Variants in TAF4 observed in about 807,000 individuals in gnomAD.
TAF4 encodes the protein transcription initiation factor TFIID subunit 4.
A neutral mutation model predicts 90.3 loss-of-function variants in TAF4; 9 were observed. The ratio of observed to expected loss-of-function variants is 0.10; its 90% CI spans 0.06 to 0.17. The LOEUF (loss-of-function observed/expected upper bound fraction) is 0.17, where lower values mean the gene tolerates loss of function less well. TAF4 is among the 10% of genes least tolerant of loss of function. The probability of loss-of-function intolerance (pLI) is 1.00; values close to 1 mark genes in which losing one functional copy is unlikely to be tolerated. For missense variants in TAF4, 1,351 were observed against 1,370.7 expected, an observed-to-expected ratio of 0.99 and a Z score of 0.23; for synonymous variants, 818 against 638.9, an observed-to-expected ratio of 1.28 and a Z score of -4.23.
At chr20:62,023,844 AG>A (rs2055859318) in intron 1 of TAF4, among the ~76,000 whole-genome samples, 1 of 151,152 alleles carries the variant, frequency 6.6e-6, no homozygotes, top group Non-Finnish European at 1.5e-5. Context: ...GCACTCTGGG[AG>A]GCCAAGGCAG....
chr20:61,982,772 G>A (rs1428281688), intron 14 of TAF4, among the ~76,000 whole-genome samples: 2 of 152,010 alleles, frequency 1.3e-5, no homozygotes, highest in African/African-American at 2.4e-5. Flanking sequence ...ACTCTGAGAT[G>A]CAACCTCATA....
chr20:62,027,258 C>T (rs1345758373), intron 1 of TAF4, among the ~76,000 whole-genome samples: 2 of 152,148 alleles, frequency 1.3e-5, no homozygotes, highest in Admixed American at 6.5e-5. Context: ...AGCCGAGCAG[C>T]GTCGTCAAAA....
chr20:62,007,613 A>G lies in TAF4; in HGVS notation c.1908T>C (p.Asp636=), dbSNP rs2055754608. ...NLLDGKIEAE[D]FTSRLYRELN... The stretch of plus-strand genomic sequence containing the variant: ...GTTCTCGGTATAACCTGCTTGTGAA[A>G]TCTTCTGCTTCTATTTTTCCATCCT... Residue 636 remains aspartate (D), a synonymous_variant, in exon 6 of 15, where the codon GAT becomes GAC. Transcript: ENST00000252996. 1 of 1,603,416 alleles carries G rather than the reference A, an allele frequency of 6.2e-7. No homozygotes were observed. Among genetic ancestry groups the G allele is most frequent in the Non-Finnish European group, 8.5e-7 (1 of 1,176,250 alleles).
intron 1 of TAF4, among the ~76,000 whole-genome samples, chr20:62,056,448 T>G (rs1163309884): frequency 2.0e-5 from 3 of 152,158 alleles, no homozygotes; most frequent in Non-Finnish European, 4.4e-5. Context: ...AGGTGATATG[T>G]ATCAAAGCCT....
chr20:62,021,000 C>A (rs376839477), intron 1 of TAF4, among the ~76,000 whole-genome samples: 2 of 152,176 alleles, frequency 1.3e-5, no homozygotes, highest in African/African-American at 4.8e-5. Flanking sequence ...GAAGGAAAGA[C>A]CTTCCCCGTG....
rs1600820355 is a variant in TAF4 at position 61,976,071 on chromosome 20, G to A, written c.*97C>T. 7.5e-7 allele frequency: 1 copy of A among 1,329,098 alleles called. No individual in the cohort carries two copies. The highest frequency in any genetic ancestry group is 1.3e-5 in the South Asian group (1 of 78,180). 82.3% of individuals were successfully genotyped at this position (1,329,098 alleles called of 1,614,324 possible). A position where few individuals can be genotyped will look rare whatever the true frequency, so the allele number is the denominator to read the frequency against. On this transcript the variant is annotated 3_prime_UTR_variant, in exon 15 of 15. Transcript: ENST00000252996. The stretch of plus-strand genomic sequence containing the variant: ...AACAGGAATATAAAACTGTTCCATT[G>A]TAAAGAGGTGGCTGTTTTTTAAACA...
intron 1 of TAF4, among the ~76,000 whole-genome samples, chr20:62,063,189 C>T (rs1354190825): frequency 6.6e-6 from 1 of 152,204 alleles, no homozygotes; most frequent in Non-Finnish European, 1.5e-5. Context: ...CCCAGACAGG[C>T]TTTCCCCACC....
chr20:62,036,127 G>A (rs6142932), intron 1 of TAF4, among the ~76,000 whole-genome samples: 14,992 of 151,920 alleles, frequency 0.099, 1,193 homozygotes, highest in East Asian at 0.44. Flanking sequence ...GGGTTCAAGC[G>A]ATTCTCCTGC....
At chr20:61,990,040 TG>T (rs1175064932) in intron 14 of TAF4, among the ~76,000 whole-genome samples, 1 of 152,058 alleles carries the variant, frequency 6.6e-6, no homozygotes, top group African/African-American at 2.4e-5. Context: ...CACGACGCTG[TG>T]GAGAAACACA....
intron 1 of TAF4, among the ~76,000 whole-genome samples, chr20:62,029,286 G>A (rs1201392448): frequency 2.0e-5 from 3 of 151,912 alleles, no homozygotes; most frequent in African/African-American, 7.3e-5. Flanking sequence ...TTGAAATTTT[G>A]CAAGATAAAA....
At chr20:62,060,787 C>T (rs976059436) in intron 1 of TAF4, among the ~76,000 whole-genome samples, 2 of 152,226 alleles carry the variant, frequency 1.3e-5, no homozygotes, top group Non-Finnish European at 2.9e-5. Context: ...TGGCAACCAC[C>T]GCCCCAGGGT....
chr20:62,057,125 G>C (rs1772251885), intron 1 of TAF4, among the ~76,000 whole-genome samples: 2 of 152,184 alleles, frequency 1.3e-5, no homozygotes, highest in Non-Finnish European at 2.9e-5. Context: ...GTCAGAAAAT[G>C]AAAGGCTGTG....
Position 61,999,075 on chromosome 20 carries a change from G to A in TAF4, c.2821C>T (p.Arg941Trp). The A allele has an allele frequency of 3.1e-6, 5 of 1,614,044 alleles. No homozygotes were observed. Among genetic ancestry groups the A allele is most frequent in the Non-Finnish European group, 4.2e-6 (5 of 1,180,016 alleles). Reference sequence around the variant, plus strand: ...TGTTCAAAAAACTTGAGCTGTGCCCGGACGTCACTCGCCTGCTCATATCTG... The same window carrying A: ...TGTTCAAAAAACTTGAGCTGTGCCCAGACGTCACTCGCCTGCTCATATCTG... ...DDRYEQASDV[R>W]AQLKFFEQLD... is the part of the protein sequence containing the mutation. Residue 941 changes from arginine to tryptophan, a missense_variant, in exon 12 of 15, where the codon CGG becomes TGG. Transcript: ENST00000252996.
At chr20:61,979,967 G>A (rs1331506892) in intron 14 of TAF4, among the ~76,000 whole-genome samples, 3 of 152,228 alleles carry the variant, frequency 2.0e-5, no homozygotes, top group African/African-American at 4.8e-5. Flanking sequence ...CACAAGGGCC[G>A]GCACCAACAT....
chr20:62,064,678 G>T lies in TAF4; in HGVS notation c.1133C>A (p.Thr378Asn). The T allele has an allele frequency of 7.8e-7, 1 of 1,275,032 alleles. No homozygotes were observed. The highest frequency in any genetic ancestry group is 2.5e-5 in the South Asian group (1 of 40,324). The allele number at this position is 1,275,032 out of a possible 1,614,324, so 79.0% of individuals were successfully genotyped here. A position where few individuals can be genotyped will look rare whatever the true frequency, so the allele number is the denominator to read the frequency against. Residue 378 changes from threonine (T) to asparagine (N), a missense_variant, in exon 1 of 15, where the codon ACT (threonine) becomes AAT (asparagine). By Grantham distance (65) the Thr-to-Asn change is moderately conservative. Coordinates refer to ENST00000252996, the MANE Select transcript of TAF4 (RefSeq NM_003185.4). The stretch of plus-strand genomic sequence containing the variant: ...CGGGCTGGGCAGCGCCCCTTGCATA[G>T]TTGGCCCGATGACCATGCTGGCCGC... ...STAASMVIGP[T>N]MQGALPSPAA... is the part of the protein sequence containing the mutation.
At chr20:62,030,992 T>C (rs116665980) in intron 1 of TAF4, among the ~76,000 whole-genome samples, 1 of 152,326 alleles carries the variant, frequency 6.6e-6, no homozygotes, top group Non-Finnish European at 1.5e-5. Context: ...AGACACAACA[T>C]GCAACAAACA....
At chr20:62,008,731 G>T in intron 5 of TAF4, 1 of 220,508 alleles carries the variant, frequency 4.5e-6, no homozygotes, top group Non-Finnish European at 8.9e-6. Flanking sequence ...GGAGTTGCTG[G>T]AGACCCTGAC....
At chr20:61,998,807 G>C (rs1445361396) in intron 12 of TAF4, among the ~76,000 whole-genome samples, 176 bp downstream of exon 12, 1 of 152,236 alleles carries the variant, frequency 6.6e-6, no homozygotes, top group African/African-American at 2.4e-5. Context: ...ATCTACGCTA[G>C]TGCCAAATGA....
Position 62,029,492 on chromosome 20 carries a change from A to G in TAF4, c.1361-14785T>C, listed in dbSNP as rs1417049427. On this transcript the variant is annotated intron_variant, in intron 1 of 14. Coordinates refer to ENST00000252996, the MANE Select transcript of TAF4 (RefSeq NM_003185.4). ...TGCCCACGTGCGCGCGCGCGCACAC[A>G]CACACACACACACACTCATACATGC... Among the ~76,000 whole-genome samples, 4 of 151,894 alleles carry G rather than the reference A, an allele frequency of 2.6e-5. No homozygotes were observed. In the South Asian group the frequency reaches 6.2e-4, roughly 24 times the overall value.
Sources: allele counts gnomAD v4.1 joint callset (sites outside exome capture counted in the v4.1 genomes callset), GRCh38; gene constraint gnomAD v4.1.1; transcripts MANE v1.5; gene names NCBI Gene and HGNC (gene_info 2026-07-23, HGNC 2026-07-21).